The following PPP2R2A variants were observed in gnomAD, a reference collection of about 807,000 sequenced individuals.
The protein encoded by PPP2R2A is protein phosphatase 2 regulatory subunit Balpha.
PPP2R2A carries 9 observed loss-of-function variants against 53.2 expected under a neutral mutation model. The observed-to-expected ratio is 0.17, with a 90% CI of 0.10 to 0.30. The LOEUF (loss-of-function observed/expected upper bound fraction) is 0.30, where lower values mean the gene tolerates loss of function less well. Ranked by LOEUF, PPP2R2A falls within the 10% of genes least tolerant of loss-of-function variation. The probability of loss-of-function intolerance (pLI) is 1.00; values close to 1 mark genes in which losing one functional copy is unlikely to be tolerated. For synonymous variants in PPP2R2A, 169 were observed against 174.2 expected (o/e 0.97, Z 0.23); for missense variants, 235 against 534.6 (o/e 0.44, Z 5.53).
rs1012729614 is a variant in PPP2R2A at position 26,370,477 on chromosome 8, G to A, written c.*64G>A. On this transcript the variant is annotated 3_prime_UTR_variant, in exon 10 of 10. Transcript: ENST00000380737. The surrounding 1 kb of genome is among the most constrained non-coding windows in gnomAD (Gnocchi z 6.1). ...GTTGAGATAGTTGAATCTAGCATTC[G>A]TTCCTATAAAAGAGAGAGGTCCATT... The A allele has an allele frequency of 3.0e-5, 46 of 1,552,596 alleles. No homozygotes were observed. The highest frequency in any genetic ancestry group is 1.7e-4 in the Middle Eastern group (1 of 5,870).
intron 9 of PPP2R2A, among the ~76,000 whole-genome samples, chr8:26,367,727 A>G (rs1024611662): frequency 7.2e-5 from 11 of 152,226 alleles, no homozygotes; most frequent in Non-Finnish European, 1.3e-4. Flanking sequence ...TCCTGACAAA[A>G]ACACTTTCCA....
At chr8:26,366,218 T>TA (rs958017848) in intron 8 of PPP2R2A, 97 bp from the exon 9 acceptor site, 1 of 856,622 alleles carries the variant, frequency 1.2e-6, no homozygotes, top group African/African-American at 1.7e-5. Flanking sequence ...AAGGTGTGTG[T>TA]ATGTGTCTGT....
intron 4 of PPP2R2A, among the ~76,000 whole-genome samples, chr8:26,357,725 G>T (rs1200029229): frequency 6.6e-6 from 1 of 151,934 alleles, no homozygotes; most frequent in Non-Finnish European, 1.5e-5. Context: ...ACGGCAGCGT[G>T]GTTTTCCCTG....
intron 2 of PPP2R2A, among the ~76,000 whole-genome samples, chr8:26,334,097 G>A (rs1803528036): frequency 6.6e-6 from 1 of 151,984 alleles, no homozygotes; most frequent in Admixed American, 6.6e-5. Flanking sequence ...AAAATTGCTG[G>A]GTTGACTTAA....
At chr8:26,339,515 A>G (rs781085251) in intron 3 of PPP2R2A, among the ~76,000 whole-genome samples, 6 of 152,188 alleles carry the variant, frequency 3.9e-5, no homozygotes, top group Non-Finnish European at 5.9e-5. Context: ...GTGCAGTGCT[A>G]GCTTTTTGAA....
chr8:26,361,196 G>T, intron 6 of PPP2R2A, 45 bp downstream of exon 6: 1 of 1,495,196 alleles, frequency 6.7e-7, no homozygotes, highest in Non-Finnish European at 9.0e-7. Flanking sequence ...AAGGCATGTT[G>T]TGCCCATATT....
intron 2 of PPP2R2A, among the ~76,000 whole-genome samples, chr8:26,307,491 G>T (rs1401646683): frequency 6.6e-6 from 1 of 152,108 alleles, no homozygotes; most frequent in African/African-American, 2.4e-5. Context: ...AGGCCTTTTT[G>T]GTCACTTGTC....
In PPP2R2A at chr8:26,338,862, C is replaced by A; in HGVS notation, c.83-28C>A. On this transcript the variant is annotated intron_variant, in intron 2 of 9. Coordinates refer to ENST00000380737, the MANE Select transcript of PPP2R2A (RefSeq NM_002717.4). This position sits in a 1 kb window ranked among gnomAD's most constrained non-coding sequence, Gnocchi z 4.5. ...TGAGTCGGGAAAGAAAAACTAATATCTTTTTTTGTTTTGTCTCAATTATAC... is the reference window on the plus strand; with the variant it reads ...TGAGTCGGGAAAGAAAAACTAATATATTTTTTTGTTTTGTCTCAATTATAC... 6.8e-7 allele frequency: 1 copy of A among 1,473,442 alleles called. No homozygotes were observed. Among genetic ancestry groups the A allele is most frequent in the South Asian group, 1.2e-5 (1 of 84,214 alleles). The allele number at this position is 1,473,442 out of a possible 1,614,324, so 91.3% of individuals were successfully genotyped here.
intron 3 of PPP2R2A, 40 bp downstream of exon 3, chr8:26,339,027 CT>C: frequency 1.4e-6 from 2 of 1,438,922 alleles, no homozygotes; most frequent in Non-Finnish European, 2.0e-6. Flanking sequence ...TCAGTTTGAT[CT>C]TAGGACTAGA....
chr8:26,339,010 C>A, intron 3 of PPP2R2A, 23 bp downstream of exon 3: 1 of 1,537,670 alleles, frequency 6.5e-7, no homozygotes, highest in Non-Finnish European at 9.0e-7. Flanking sequence ...AGTTTATTGT[C>A]TAAATTTCAG....
chr8:26,329,035 T>C (rs1803234855), intron 2 of PPP2R2A, among the ~76,000 whole-genome samples: 2 of 152,208 alleles, frequency 1.3e-5, no homozygotes, highest in African/African-American at 4.8e-5. Flanking sequence ...TTTATAGTGA[T>C]AATTGTATCT....
chr8:26,356,138 A>G (rs1804771741), intron 4 of PPP2R2A, among the ~76,000 whole-genome samples: 1 of 152,194 alleles, frequency 6.6e-6, no homozygotes, highest in Non-Finnish European at 1.5e-5. Context: ...TCCCCTCACT[A>G]TTAATTTAAA....
In PPP2R2A at chr8:26,291,630, T is replaced by G; in HGVS notation, c.-190T>G. 1 of 603,464 alleles carries G rather than the reference T, an allele frequency of 1.7e-6. No homozygotes were observed. The highest frequency in any genetic ancestry group is 2.9e-6 in the Non-Finnish European group (1 of 347,304). 37.4% of individuals were successfully genotyped at this position (603,464 alleles called of 1,614,324 possible). On this transcript the variant is annotated 5_prime_UTR_variant, in exon 1 of 10. Transcript: ENST00000380737. ...GAGCACGAGCGGGGAAGCCCCAGAG[T>G]GAAATCTAGCATCCTGCCGGCTGGT...
At chr8:26,335,977 T>C (rs1379408570) in intron 2 of PPP2R2A, among the ~76,000 whole-genome samples, 4 of 152,222 alleles carry the variant, frequency 2.6e-5, no homozygotes, top group Admixed American at 2.6e-4. Context: ...ATCAAGTCTT[T>C]TTCTTCTCCC....
chr8:26,318,571 G>A (rs972840377), intron 2 of PPP2R2A, among the ~76,000 whole-genome samples: 1 of 152,160 alleles, frequency 6.6e-6, no homozygotes, highest in Admixed American at 6.5e-5. Context: ...GCCTACTTTT[G>A]TATATGATTG....
At chr8:26,346,838 AC>A (rs1804245468) in intron 3 of PPP2R2A, among the ~76,000 whole-genome samples, 1 of 152,214 alleles carries the variant, frequency 6.6e-6, no homozygotes, top group Admixed American at 6.5e-5. Context: ...TTAGAATGTT[AC>A]CAGTGGAAAG....
chr8:26,324,823 A>G (rs941474485), intron 2 of PPP2R2A, among the ~76,000 whole-genome samples: 2 of 152,112 alleles, frequency 1.3e-5, no homozygotes, highest in African/African-American at 4.8e-5. Flanking sequence ...ATGGGAACCT[A>G]CGTCTTGCAT....
intron 1 of PPP2R2A, chr8:26,292,520 G>A: frequency 1.1e-6 from 1 of 874,832 alleles, no homozygotes; most frequent in African/African-American, 1.8e-5. Flanking sequence ...TTTCCCAAAA[G>A]GGTTTGGTAG....
chr8:26,318,090 G>A (rs896404816), intron 2 of PPP2R2A, among the ~76,000 whole-genome samples: 33 of 152,116 alleles, frequency 2.2e-4, no homozygotes, highest in Non-Finnish European at 1.2e-4. Context: ...GGTTCTGAGA[G>A]TGAAGGTGCC....
Sources: allele counts gnomAD v4.1 joint callset (sites outside exome capture counted in the v4.1 genomes callset), GRCh38; gene constraint gnomAD v4.1.1; non-coding constraint Gnocchi (gnomAD v3.1); transcripts MANE v1.5; gene names NCBI Gene and HGNC (gene_info 2026-07-23, HGNC 2026-07-21).